Variants in ATM observed in about 807,000 individuals in gnomAD.
The protein encoded by ATM is ATM serine/threonine kinase, also known as serine-protein kinase ATM.
Under a neutral mutation model 387.0 loss-of-function variants are expected in ATM, and 308 were observed. The ratio of observed to expected loss-of-function variants is 0.80; its 90% CI spans 0.73 to 0.87. The LOEUF (loss-of-function observed/expected upper bound fraction) is 0.87, where lower values mean the gene tolerates loss of function less well. Among genes scored for constraint, ATM ranks in the 40% least tolerant of loss-of-function variants. The pLI is 0.00. For synonymous variants in ATM, 1,156 were observed against 1,187.3 expected (o/e 0.97, Z 0.54); for missense variants, 3,312 against 3,560.9 (o/e 0.93, Z 1.78).
intron 60 of ATM, 37 bp from the exon 61 acceptor site, chr11:108,354,774 G>T: frequency 1.3e-6 from 2 of 1,561,458 alleles, no homozygotes; most frequent in South Asian, 2.2e-5. Context: ...ACATTGGTGT[G>T]TAACAAAATC....
At chr11:108,322,235 G>A (rs2085287451) in intron 45 of ATM, among the ~76,000 whole-genome samples, 1 of 151,910 alleles carries the variant, frequency 6.6e-6, no homozygotes, top group Admixed American at 6.6e-5. Context: ...GCTCACTGCA[G>A]TCTCCACCTC....
At chr11:108,226,039 AT>A (rs746282128) in intron 1 of ATM, 3 of 152,086 alleles carry the variant, frequency 2.0e-5, no homozygotes, top group Non-Finnish European at 2.9e-5. Flanking sequence ...AAATATATGT[AT>A]TTTTTCTCTG....
intron 51 of ATM, 22 bp downstream of exon 51, chr11:108,331,579 A>C: frequency 6.3e-7 from 1 of 1,589,114 alleles, no homozygotes; most frequent in Middle Eastern, 1.8e-4. Flanking sequence ...TGAAAATCAA[A>C]CCACAATAAT....
At chr11:108,279,813 C>T (rs1219156327) in intron 23 of ATM, among the ~76,000 whole-genome samples, 2 of 152,112 alleles carry the variant, frequency 1.3e-5, no homozygotes, top group Non-Finnish European at 1.5e-5. Context: ...TTTGGTTTAG[C>T]ATTTTTATGG....
At chr11:108,256,869 A>G (rs948156871) in intron 14 of ATM, among the ~76,000 whole-genome samples, 2 of 152,146 alleles carry the variant, frequency 1.3e-5, no homozygotes, top group Non-Finnish European at 2.9e-5. Flanking sequence ...ATGGCTGCAT[A>G]GTATATCATG....
At chr11:108,312,801 G>A (rs1009034683) in intron 40 of ATM, among the ~76,000 whole-genome samples, 1 of 152,096 alleles carries the variant, frequency 6.6e-6, no homozygotes, top group African/African-American at 2.4e-5. Context: ...ATAGCACTTA[G>A]GGTTTATAAT....
Position 108,268,280 on chromosome 11 carries a change from ATAAT to A in ATM, c.2639-124_2639-121del, listed in dbSNP as rs2081371483. On this transcript the variant is annotated intron_variant, in intron 17 of 62. Transcript: ENST00000675843. ...AAAAGACTTTTGAAGCTTTCAGTAT[ATAAT>A]TAATTTCACTATAATTTTGCTTTTC... 39 of 753,538 alleles carry A rather than the reference ATAAT, an allele frequency of 5.2e-5. 2 individuals are homozygous for A. The South Asian group carries it at 5.7e-4, about 11-fold the overall frequency. 46.7% of individuals were successfully genotyped at this position (753,538 alleles called of 1,614,324 possible). A position where few individuals can be genotyped will look rare whatever the true frequency, so the allele number is the denominator to read the frequency against.
chr11:108,242,417 A>T (rs2079607092), intron 5 of ATM, among the ~76,000 whole-genome samples: 1 of 152,158 alleles, frequency 6.6e-6, no homozygotes, highest in Non-Finnish European at 1.5e-5. Context: ...CTCCTTTTCA[A>T]CATTATGTTG....
intron 41 of ATM, 31 bp downstream of exon 41, chr11:108,315,942 G>A (rs763485168): frequency 1.2e-6 from 2 of 1,606,584 alleles, no homozygotes; most frequent in Non-Finnish European, 1.7e-6. Flanking sequence ...CAACGGTATA[G>A]TAATTCTGTT....
In ATM at chr11:108,331,625, G is replaced by C. The variant is rs1397027269; in HGVS notation, c.7629+68G>C. On this transcript the variant is annotated intron_variant, in intron 51 of 62. Coordinates refer to ENST00000675843, the MANE Select transcript of ATM (RefSeq NM_000051.4). ...CTATTATTACTATATATTATATAAA[G>C]TATATATACCATTCCCTCTAAGAAA... is the stretch of plus-strand genomic sequence containing the variant. The C allele has an allele frequency of 1.1e-5, 16 of 1,431,930 alleles. No individual in the cohort carries two copies. The East Asian group carries it at 3.9e-4, about 35-fold the overall frequency. The allele number at this position is 1,431,930 out of a possible 1,614,324, so 88.7% of individuals were successfully genotyped here.
intron 29 of ATM, chr11:108,290,105 A>T (rs1308378554): frequency 1.9e-5 from 5 of 262,836 alleles, no homozygotes; most frequent in African/African-American, 6.5e-5. Context: ...GCGAACTGTC[A>T]GCCTCAGCCT....
chr11:108,277,905 C>T (rs968108768), intron 22 of ATM, among the ~76,000 whole-genome samples: 1 of 152,026 alleles, frequency 6.6e-6, no homozygotes. Flanking sequence ...TTTACTTCTC[C>T]GTATTCCACT....
At chr11:108,250,516 A>G (rs1023232586) in intron 9 of ATM, among the ~76,000 whole-genome samples, 185 bp from the exon 10 acceptor site, 5 of 152,098 alleles carry the variant, frequency 3.3e-5, no homozygotes, top group African/African-American at 4.8e-5. Flanking sequence ...AACGTTGACA[A>G]TTTTCCTGCC....
chr11:108,347,971 G>A (rs1392754200), intron 59 of ATM, among the ~76,000 whole-genome samples: 1 of 152,192 alleles, frequency 6.6e-6, no homozygotes, highest in Non-Finnish European at 1.5e-5. Flanking sequence ...TTATACTAAA[G>A]TTGTAGAAAC....
chr11:108,272,985 T>G lies in ATM; in HGVS notation c.3284+133T>G, dbSNP rs2081683808. ...TGAGTATATACGGTGTGCCTGGCATTTATGTTTATTCTTAATTCTTATACT... is the reference window on the plus strand; with the variant it reads ...TGAGTATATACGGTGTGCCTGGCATGTATGTTTATTCTTAATTCTTATACT... On this transcript the variant is annotated intron_variant, in intron 22 of 62. Transcript: ENST00000675843. The G allele has an allele frequency of 9.9e-6, 11 of 1,116,640 alleles. No individual in the cohort carries two copies. The South Asian group carries it at 1.4e-4, about 14-fold the overall frequency. 69.2% of individuals were successfully genotyped at this position (1,116,640 alleles called of 1,614,324 possible). A position where few individuals can be genotyped will look rare whatever the true frequency, so the allele number is the denominator to read the frequency against.
At chr11:108,228,814 G>A (rs987243339) in intron 3 of ATM, among the ~76,000 whole-genome samples, 1 of 152,194 alleles carries the variant, frequency 6.6e-6, no homozygotes, top group Non-Finnish European at 1.5e-5. Context: ...TTATTGGCTG[G>A]CAACATTACC....
At chr11:108,268,059 T>G (rs2081360829) in intron 17 of ATM, among the ~76,000 whole-genome samples, 1 of 152,230 alleles carries the variant, frequency 6.6e-6, no homozygotes, top group Admixed American at 6.5e-5. Flanking sequence ...CTTTTCTTGA[T>G]AGTCATACTT....
intron 61 of ATM, among the ~76,000 whole-genome samples, chr11:108,362,990 C>CA (rs895050205): frequency 7.3e-5 from 11 of 151,444 alleles, no homozygotes; most frequent in South Asian, 2.1e-4. Flanking sequence ...AACAAACAAA[C>CA]AAAAAAAACA....
chr11:108,281,208 T>G, intron 24 of ATM, 40 bp downstream of exon 24: 1 of 1,591,632 alleles, frequency 6.3e-7, no homozygotes, highest in Non-Finnish European at 8.6e-7. Context: ...CTTCCTTAGG[T>G]CACTGTGAAA....
Sources: allele counts gnomAD v4.1 joint callset (sites outside exome capture counted in the v4.1 genomes callset), GRCh38; gene constraint gnomAD v4.1.1; transcripts MANE v1.5; gene names NCBI Gene and HGNC (gene_info 2026-07-23, HGNC 2026-07-21).